MAMDC4: variants seen among roughly 807,000 people sequenced by gnomAD.
MAMDC4 encodes the protein MAM domain containing 4, also known as apical endosomal glycoprotein.
Under a neutral mutation model 153.3 loss-of-function variants are expected in MAMDC4, and 168 were observed. The ratio of observed to expected loss-of-function variants is 1.10; its 90% CI spans 0.97 to 1.25. The LOEUF is 1.25. Among genes scored for constraint, MAMDC4 ranks in the 50% most tolerant of loss-of-function variants. The pLI is 0.00. For missense variants in MAMDC4, 1,701 were observed against 1,542.8 expected (o/e 1.10, Z -1.72); for synonymous variants, 744 against 651.5 (o/e 1.14, Z -2.16).
At chr9:136,860,212 C>T in intron 26 of MAMDC4, 148 bp downstream of exon 26, 2 of 979,022 alleles carry the variant, frequency 2.0e-6, no homozygotes, top group Non-Finnish European at 2.9e-6. Context: ...CTCTCCCAGC[C>T]ACCACTGTCA....
chr9:136,860,538 A>C, intron 26 of MAMDC4, 24 bp from the exon 27 acceptor site: 1 of 1,606,678 alleles, frequency 6.2e-7, no homozygotes, highest in Non-Finnish European at 8.5e-7. Context: ...GAAAGAAAAA[A>C]AAAGCTCCTC....
intron 6 of MAMDC4, 50 bp from the exon 7 acceptor site, chr9:136,854,161 G>GCT: frequency 1.2e-6 from 2 of 1,611,396 alleles, no homozygotes; most frequent in Non-Finnish European, 1.7e-6. Context: ...GCCCCCGAGT[G>GCT]CTCTCCCACT....
Position 136,856,806 on chromosome 9 carries a change from A to G in MAMDC4, c.1817A>G (p.His606Arg). ...TGGGTGGAGAGCCGCGGCCCTGACC[A>G]CGACCACACCACAGGCCAAGGTAGG... ...WRWVESRGPD[H>R]DHTTGQGHFV... The change falls in exon 15 of 27, where the codon CAC becomes CGC. Residue 606 changes from histidine (H) to arginine (R), a missense_variant. Transcript: ENST00000317446. 6.2e-7 allele frequency: 1 copy of G among 1,611,930 alleles called. No individual in the cohort carries two copies. The highest frequency in any genetic ancestry group is 1.1e-5 in the South Asian group (1 of 90,898).
Position 136,855,045 on chromosome 9 carries a change from C to G in MAMDC4, c.1132C>G (p.Arg378Gly), listed in dbSNP as rs766190024. 1.8e-5 allele frequency: 29 copies of G among 1,607,242 alleles called. No individual in the cohort carries two copies. The East Asian group carries it at 5.4e-4, about 30-fold the overall frequency. ...PRAPVLLRRR[R>G]GELGTAWVRD... ...GGCCCCCGTCCTGCTGCGGAGGCGC[C>G]GAGGGGAGCTGGGGACCGCCTGGGT... Residue 378 changes from arginine to glycine, a missense_variant, in exon 10 of 27, where the codon CGA becomes GGA. By Grantham distance (125) the Arg-to-Gly change is moderately radical (BLOSUM62 -2). Transcript: ENST00000317446.
At chr9:136,860,162 C>T (rs1849066347) in intron 26 of MAMDC4, 98 bp downstream of exon 26, 2 of 1,345,506 alleles carry the variant, frequency 1.5e-6, no homozygotes, top group African/African-American at 1.5e-5. Flanking sequence ...GGGAGGAGCC[C>T]CCACCTGTGC....
rs767464516 is a variant in MAMDC4, at chr9:136,857,710, C to T, written c.2378C>T (p.Thr793Met). The change falls in exon 19 of 27, where the codon ACG becomes ATG. Residue 793 changes from threonine (T) to methionine (M), a missense_variant. Coordinates refer to ENST00000317446, the MANE Select transcript of MAMDC4 (RefSeq NM_206920.3). ...CCAGACGCACTACCCCGGGGCCAGA[C>T]GGCCTCCCTGACCTCCAAGGAGCAC... ...TSPDALPRGQTASLTSKEHRP... is the reference protein window; with the variant it reads ...TSPDALPRGQMASLTSKEHRP... The T allele has an allele frequency of 3.5e-5, 57 of 1,612,622 alleles. No homozygotes were observed. Among genetic ancestry groups the T allele is most frequent in the Middle Eastern group, 1.6e-4 (1 of 6,062 alleles).
intron 7 of MAMDC4, 21 bp downstream of exon 7, chr9:136,854,357 C>A: frequency 6.6e-7 from 1 of 1,525,278 alleles, no homozygotes; most frequent in East Asian, 2.4e-5. Flanking sequence ...AGTGGGGGCC[C>A]AGAGTGAGGC....
At position 136,860,671 on chromosome 9, in the gene MAMDC4, C is replaced by A. The variant is rs377135287; in HGVS notation, c.*68C>A. ...ACTTGGTCAGACCCTAGCCAGGGAC[C>A]GGACACCTGCCCCGCCCAGGCTGGG... On this transcript the variant is annotated 3_prime_UTR_variant, in exon 27 of 27. Coordinates refer to ENST00000317446, the MANE Select transcript of MAMDC4 (RefSeq NM_206920.3). 1.1e-5 allele frequency: 17 copies of A among 1,567,280 alleles called. No individual in the cohort carries two copies. In the Middle Eastern group the frequency reaches 1.0e-3, roughly 93 times the overall value.
chr9:136,854,335 T>C lies in MAMDC4; in HGVS notation c.795T>C (p.Cys265=), dbSNP rs942893615. The C allele has an allele frequency of 1.9e-6, 3 of 1,559,730 alleles. No individual in the cohort carries two copies. The highest frequency in any genetic ancestry group is 2.6e-6 in the Non-Finnish European group (3 of 1,153,042). ...TGTCTGATGAGAACCCACTCACCTG[T>C]GGTGAGGCCGGAGTGGGGGCCCAGA... ...GDLSDENPLT[C]GRHIATDFET... Residue 265 remains cysteine, a splice_region_variant and synonymous_variant, in exon 7 of 27, where the codon TGT becomes TGC. Transcript: ENST00000317446.
rs759733012 is a variant in MAMDC4 at position 136,857,354 on chromosome 9, C to T, written c.2107-13C>T. 6.2e-6 allele frequency: 10 copies of T among 1,608,316 alleles called. No individual in the cohort carries two copies. Among genetic ancestry groups the T allele is most frequent in the African/African-American group, 1.3e-5 (1 of 75,006 alleles). On this transcript the variant is annotated splice_polypyrimidine_tract_variant and intron_variant, in intron 17 of 26. Transcript: ENST00000317446. ...GGCAGGGCCCCTGGCCAGCTGACACCCTCCACCCCCAGCTGCTGTTCGAGG... is the reference window on the plus strand; with the variant it reads ...GGCAGGGCCCCTGGCCAGCTGACACTCTCCACCCCCAGCTGCTGTTCGAGG...
In MAMDC4 at chr9:136,855,107, C is replaced by A; in HGVS notation, c.1194C>A (p.Phe398Leu). ...TTGACATCCAGAGCGCCTACCCCTT[C>A]CAGGTAGGGAACAGCAAGAGGGTGG... ...DRVDIQSAYP[F>L]QILLAGQTGP... Residue 398 changes from phenylalanine to leucine, a missense_variant, in exon 10 of 27, where the codon TTC becomes TTA. Coordinates refer to ENST00000317446, the MANE Select transcript of MAMDC4 (RefSeq NM_206920.3). 6.4e-7 allele frequency: 1 copy of A among 1,573,348 alleles called. No homozygotes were observed. Among genetic ancestry groups the A allele is most frequent in the Non-Finnish European group, 8.6e-7 (1 of 1,159,786 alleles).
chr9:136,860,280 G>A (rs1470379198), intron 26 of MAMDC4, among the ~76,000 whole-genome samples: 1 of 152,198 alleles, frequency 6.6e-6, no homozygotes, highest in Non-Finnish European at 1.5e-5. Context: ...AGCACTTTGG[G>A]AGATTGAGGT....
intron 26 of MAMDC4, 52 bp from the exon 27 acceptor site, chr9:136,860,509 GA>G: frequency 5.1e-6 from 8 of 1,569,432 alleles, no homozygotes; most frequent in South Asian, 1.1e-5. Context: ...TGACAAGAGC[GA>G]AACTCCGTCT....
chr9:136,855,543 G>T lies in MAMDC4; in HGVS notation c.1395G>T (p.Gly465=). ...GCAAGCAGGGGCATCTTGCCTGCGG[G>T]GACCTGTGTGTGCCCCCGGAACAAC... ...DSCKQGHLAC[G]DLCVPPEQLC... Residue 465 remains glycine (G), a synonymous_variant, in exon 12 of 27, where the codon GGG becomes GGT. Transcript: ENST00000317446. The T allele has an allele frequency of 6.3e-7, 1 of 1,591,326 alleles. No individual in the cohort carries two copies.
At chr9:136,853,931 G>A (rs1375456435) in intron 5 of MAMDC4, 24 bp downstream of exon 5, 2 of 1,612,700 alleles carry the variant, frequency 1.2e-6, no homozygotes, top group Non-Finnish European at 1.7e-6. Flanking sequence ...GTCTGGACGA[G>A]TGGGGGCCTT....
intron 16 of MAMDC4, 33 bp from the exon 17 acceptor site, chr9:136,857,132 G>A (rs765173364): frequency 1.2e-6 from 2 of 1,609,192 alleles, no homozygotes; most frequent in South Asian, 1.1e-5. Flanking sequence ...GCACAGGAGA[G>A]AGGTCAGTTA....
chr9:136,858,569 T>G (rs762789548), intron 22 of MAMDC4, 23 bp downstream of exon 22: 29 of 1,562,414 alleles, frequency 1.9e-5, no homozygotes, highest in Non-Finnish European at 2.5e-5. Flanking sequence ...TGGAGCCAGG[T>G]GGGGAGGCAC....
chr9:136,860,078 G>T lies in MAMDC4; in HGVS notation c.3372+14G>T. On this transcript the variant is annotated intron_variant, in intron 26 of 26. Coordinates refer to ENST00000317446, the MANE Select transcript of MAMDC4 (RefSeq NM_206920.3). ...CTTTTCAATGCGGTAGGAGCCCCTGGGGATGGGTGGGCAGGAGCCTCTGTG... is the reference window on the plus strand; with the variant it reads ...CTTTTCAATGCGGTAGGAGCCCCTGTGGATGGGTGGGCAGGAGCCTCTGTG... The T allele has an allele frequency of 2.6e-6, 4 of 1,540,532 alleles. No homozygotes were observed. Among genetic ancestry groups the T allele is most frequent in the Non-Finnish European group, 3.5e-6 (4 of 1,142,028 alleles).
intron 20 of MAMDC4, 24 bp downstream of exon 20, chr9:136,858,121 TC>T (rs765571488): frequency 6.7e-5 from 99 of 1,472,928 alleles, no homozygotes; most frequent in Non-Finnish European, 7.7e-5. Context: ...GGGGTGCCCC[TC>T]CCCCTCCCCC....
Sources: allele counts gnomAD v4.1 joint callset (sites outside exome capture counted in the v4.1 genomes callset), GRCh38; gene constraint gnomAD v4.1.1; transcripts MANE v1.5; gene names NCBI Gene and HGNC (gene_info 2026-07-23, HGNC 2026-07-21).